Variants in BUB1 observed in about 807,000 individuals in gnomAD.
BUB1 encodes the protein BUB1 mitotic checkpoint serine/threonine kinase, also known as mitotic checkpoint serine/threonine-protein kinase BUB1.
BUB1 carries 84 observed loss-of-function variants against 135.2 expected under a neutral mutation model. The observed-to-expected ratio is 0.62, with a 90% CI of 0.52 to 0.74. BUB1 has a LOEUF of 0.74. Among genes scored for constraint, BUB1 ranks in the 30% least tolerant of loss-of-function variants. The probability of loss-of-function intolerance (pLI) is 0.00; values close to 1 mark genes in which losing one functional copy is unlikely to be tolerated. For missense variants in BUB1, 1,162 were observed against 1,288.3 expected, an observed-to-expected ratio of 0.90 and a Z score of 1.50; for synonymous variants, 403 against 434.4, an observed-to-expected ratio of 0.93 and a Z score of 0.90.
At chr2:110,656,102 G>A (rs1689927640) in intron 15 of BUB1, among the ~76,000 whole-genome samples, 186 bp from the exon 16 acceptor site, 1 of 152,088 alleles carries the variant, frequency 6.6e-6, no homozygotes, top group Non-Finnish European at 1.5e-5. Flanking sequence ...AATCAGTGGA[G>A]TTACATTACA....
At chr2:110,645,642 A>G (rs1463236436) in intron 19 of BUB1, among the ~76,000 whole-genome samples, 3 of 151,734 alleles carry the variant, frequency 2.0e-5, no homozygotes, top group Non-Finnish European at 4.4e-5. Context: ...TTCCCTGGCT[A>G]ATCTGAACTC....
Position 110,641,736 on chromosome 2 carries a change from G to C in BUB1, c.2531C>G (p.Ser844Cys), listed in dbSNP as rs1208191170. 6.2e-7 allele frequency: 1 copy of C among 1,611,844 alleles called. No individual in the cohort carries two copies. The highest frequency in any genetic ancestry group is 8.5e-7 in the Non-Finnish European group (1 of 1,179,996). ...GAACTTCATAAACATGTGCTGCATAGATGGCTTTAGTCTTTCCATCAACTG... is the reference window on the plus strand; with the variant it reads ...GAACTTCATAAACATGTGCTGCATACATGGCTTTAGTCTTTCCATCAACTG... ...GTQLMERLKP[S>C]MQHMFMKFYS... The change falls in exon 21 of 25, where the codon TCT becomes TGT. Residue 844 changes from serine to cysteine, a missense_variant. Transcript: ENST00000302759.
At chr2:110,670,502 C>T (rs1183507701) in intron 5 of BUB1, 23 bp downstream of exon 5, 1 of 1,612,674 alleles carries the variant, frequency 6.2e-7, no homozygotes, top group Non-Finnish European at 8.5e-7. Context: ...CAACAACAGG[C>T]ATTTTAGAAA....
At chr2:110,641,859 C>T in intron 20 of BUB1, 56 bp from the exon 21 acceptor site, 1 of 1,539,806 alleles carries the variant, frequency 6.5e-7, no homozygotes, top group East Asian at 2.2e-5. Context: ...AAAATGATAG[C>T]AATAAAGCAA....
chr2:110,657,755 C>T, intron 13 of BUB1, 110 bp from the exon 14 acceptor site: 1 of 714,590 alleles, frequency 1.4e-6, no homozygotes. Flanking sequence ...CAGAAAAGAA[C>T]TAATATCAGC....
chr2:110,672,771 G>A lies in BUB1; in HGVS notation c.312C>T (p.Ala104=), dbSNP rs745398931. 25 of 1,614,150 alleles carry A rather than the reference G, an allele frequency of 1.5e-5. No individual in the cohort carries two copies. In the Admixed American group the frequency reaches 3.8e-4, roughly 25 times the overall value. ...CTTGGGCTTCCAGATGCCCCGCCCA[G>A]GCAATGTACAGAGGGGATGACAGGG... ...IGTLSSPLYI[A]WAGHLEAQGE... is the part of the protein sequence containing the mutation. Residue 104 remains alanine, a synonymous_variant, in exon 4 of 25, where the codon GCC becomes GCT. Coordinates refer to ENST00000302759, the MANE Select transcript of BUB1 (RefSeq NM_004336.5).
chr2:110,647,019 G>A (rs1014148995), intron 19 of BUB1, among the ~76,000 whole-genome samples: 3 of 152,184 alleles, frequency 2.0e-5, no homozygotes, highest in Non-Finnish European at 4.4e-5. Context: ...TCCTATATCT[G>A]TTAAAGAAAT....
rs1689495525 is a variant in BUB1 at position 110,641,216 on chromosome 2, C to CGTT, written c.2784-12_2784-11insAAC. On this transcript the variant is annotated splice_polypyrimidine_tract_variant and intron_variant, in intron 22 of 24. Coordinates refer to ENST00000302759, the MANE Select transcript of BUB1 (RefSeq NM_004336.5). Reference sequence around the variant, plus strand: ...TCCTGTTCCAAAAATCTATATTAAACACAAACAAAGCCAGGCTGCATGAGC... The same window carrying CGTT: ...TCCTGTTCCAAAAATCTATATTAAACGTTACAAACAAAGCCAGGCTGCATGAGC... 1 of 1,591,152 alleles carries CGTT rather than the reference C, an allele frequency of 6.3e-7. No individual in the cohort carries two copies. The highest frequency in any genetic ancestry group is 1.4e-5 in the African/African-American group (1 of 73,902).
chr2:110,637,934 T>A lies in BUB1; in HGVS notation c.*30A>T. 7.4e-7 allele frequency: 1 copy of A among 1,344,724 alleles called. No homozygotes were observed. Among genetic ancestry groups the A allele is most frequent in the Non-Finnish European group, 9.7e-7 (1 of 1,027,244 alleles). The allele number at this position is 1,344,724 out of a possible 1,614,324, so 83.3% of individuals were successfully genotyped here. A position where few individuals can be genotyped will look rare whatever the true frequency, so the allele number is the denominator to read the frequency against. The stretch of plus-strand genomic sequence containing the variant: ...AGTGAGCAGATTCATATTTACAGTG[T>A]GATTTTTAAGGACTGTCTATATCCA... On this transcript the variant is annotated 3_prime_UTR_variant, in exon 25 of 25. Transcript: ENST00000302759.
chr2:110,653,296 T>C, intron 17 of BUB1, 140 bp downstream of exon 17: 1 of 749,826 alleles, frequency 1.3e-6, no homozygotes, highest in Non-Finnish European at 2.2e-6. Context: ...AAGCTACTAG[T>C]CCATAAAATC....
intron 4 of BUB1, 42 bp downstream of exon 4, chr2:110,672,619 T>G: frequency 1.3e-6 from 2 of 1,511,230 alleles, no homozygotes; most frequent in African/African-American, 1.4e-5. Context: ...ACATTACTTT[T>G]CAAAGTCAGA....
At chr2:110,654,960 G>C (rs1176626827) in intron 16 of BUB1, among the ~76,000 whole-genome samples, 1 of 152,056 alleles carries the variant, frequency 6.6e-6, no homozygotes, top group African/African-American at 2.4e-5. Flanking sequence ...AGTTCTGCAG[G>C]GTCAACTATG....
intron 6 of BUB1, 145 bp downstream of exon 6, chr2:110,669,308 A>G (rs1690353536): frequency 1.6e-6 from 1 of 635,590 alleles, no homozygotes; most frequent in African/African-American, 1.8e-5. Flanking sequence ...GGAAGTTGCC[A>G]CAGGAGCAGG....
chr2:110,641,612 C>T, intron 21 of BUB1, 30 bp downstream of exon 21: 1 of 1,601,546 alleles, frequency 6.2e-7, no homozygotes, highest in Non-Finnish European at 8.5e-7. Context: ...ATTTTAAATT[C>T]ATGTGCTCAT....
chr2:110,659,940 AT>A, intron 11 of BUB1, 37 bp downstream of exon 11: 1 of 1,565,006 alleles, frequency 6.4e-7, no homozygotes, highest in Non-Finnish European at 8.8e-7. Flanking sequence ...ATACAGAGGA[AT>A]CTGGACAGAA....
Position 110,674,096 on chromosome 2 carries a change from C to T in BUB1, c.215G>A (p.Cys72Tyr), listed in dbSNP as rs757798502. 6.5e-7 allele frequency: 1 copy of T among 1,527,774 alleles called. No homozygotes were observed. Among genetic ancestry groups the T allele is most frequent in the Non-Finnish European group, 9.0e-7 (1 of 1,108,650 alleles). 94.6% of individuals were successfully genotyped at this position (1,527,774 alleles called of 1,614,324 possible). A position where few individuals can be genotyped will look rare whatever the true frequency, so the allele number is the denominator to read the frequency against. The change falls in exon 3 of 25, where the codon TGT (cysteine) becomes TAT (tyrosine). Residue 72 changes from cysteine to tyrosine, a missense_variant. Physicochemically the swap from Cys to Tyr is radical, Grantham distance 194. Transcript: ENST00000302759. Reference sequence around the variant, plus strand: ...CTTAAGTATACTTACAAATTTTAAACAATAACTGATGAATCTTGGGTCATT... The same window carrying T: ...CTTAAGTATACTTACAAATTTTAAATAATAACTGATGAATCTTGGGTCATT... ...YHNDPRFISY[C>Y]LKFAEYNSDL...
At chr2:110,673,503 T>C (rs543318534) in intron 3 of BUB1, among the ~76,000 whole-genome samples, 11 of 152,142 alleles carry the variant, frequency 7.2e-5, no homozygotes, top group African/African-American at 2.7e-4. Context: ...GAAGTTATTT[T>C]CAGGTAGTGC....
intron 8 of BUB1, among the ~76,000 whole-genome samples, 172 bp downstream of exon 8, chr2:110,667,349 G>C (rs759261417): frequency 3.3e-5 from 5 of 152,038 alleles, no homozygotes; most frequent in Non-Finnish European, 5.9e-5. Flanking sequence ...CAGTTTTCTC[G>C]GGGCAAACGC....
At chr2:110,665,767 T>C (rs1553516971) in intron 9 of BUB1, among the ~76,000 whole-genome samples, 1 of 152,178 alleles carries the variant, frequency 6.6e-6, no homozygotes, top group South Asian at 2.1e-4. Context: ...TCCTATGTCA[T>C]AGACAAACAT....
Sources: allele counts gnomAD v4.1 joint callset (sites outside exome capture counted in the v4.1 genomes callset), GRCh38; gene constraint gnomAD v4.1.1; transcripts MANE v1.5; gene names NCBI Gene and HGNC (gene_info 2026-07-23, HGNC 2026-07-21).